Variants in CACNB2 observed in about 807,000 individuals in gnomAD.
CACNB2 encodes voltage-dependent L-type calcium channel subunit beta-2.
Under a neutral mutation model 73.3 loss-of-function variants are expected in CACNB2, and 42 were observed. That is an observed-to-expected ratio of 0.57 (90% CI 0.45 to 0.74). The LOEUF is 0.74. Ranked by LOEUF, CACNB2 falls within the 30% of genes least tolerant of loss-of-function variation. CACNB2 has a pLI of 0.00. For synonymous variants in CACNB2, 348 were observed against 310.3 expected, an observed-to-expected ratio of 1.12 and a Z score of -1.28; for missense variants, 940 against 853.0, an observed-to-expected ratio of 1.10 and a Z score of -1.27.
At chr10:18,221,840 T>G (rs1163375554) in intron 2 of CACNB2, among the ~76,000 whole-genome samples, 1 of 152,210 alleles carries the variant, frequency 6.6e-6, no homozygotes, top group Non-Finnish European at 1.5e-5. Flanking sequence ...AATCCAGAAT[T>G]TTGGAAGGCA....
chr10:18,359,986 A>G (rs748065274), intron 2 of CACNB2, among the ~76,000 whole-genome samples: 15 of 152,198 alleles, frequency 9.9e-5, no homozygotes, highest in Non-Finnish European at 2.1e-4. Context: ...AGCCATAAAC[A>G]TAGGAACTGG....
intron 2 of CACNB2, among the ~76,000 whole-genome samples, chr10:18,274,913 G>A (rs953060724): frequency 1.3e-5 from 2 of 152,000 alleles, no homozygotes; most frequent in African/African-American, 4.8e-5. Context: ...TTATTACACA[G>A]TTTTATTTTT....
intron 3 of CACNB2, among the ~76,000 whole-genome samples, chr10:18,456,559 G>A (rs941895677): frequency 1.3e-5 from 2 of 152,132 alleles, no homozygotes; most frequent in African/African-American, 4.8e-5. Flanking sequence ...ACCCTTATGA[G>A]CCAATCACCT....
At chr10:18,172,671 A>G (rs2033325307) in intron 2 of CACNB2, among the ~76,000 whole-genome samples, 1 of 152,114 alleles carries the variant, frequency 6.6e-6, no homozygotes, top group South Asian at 2.1e-4. Flanking sequence ...TAGTGTCATC[A>G]GCCTTCACTG....
chr10:18,248,466 AT>A (rs374795404), intron 2 of CACNB2, among the ~76,000 whole-genome samples: 52 of 152,204 alleles, frequency 3.4e-4, no homozygotes, highest in Non-Finnish European at 4.7e-4. Flanking sequence ...CTGATCTTAA[AT>A]TTGAGAAGAA....
At chr10:18,176,010 C>T (rs190961543) in intron 2 of CACNB2, among the ~76,000 whole-genome samples, 86 of 152,304 alleles carry the variant, frequency 5.6e-4, no homozygotes, top group African/African-American at 2.0e-3. Context: ...AGTACTTGTT[C>T]GTGTGTGAAA....
intron 8 of CACNB2, among the ~76,000 whole-genome samples, 162 bp from the exon 9 acceptor site, chr10:18,518,748 G>A (rs1426009919): frequency 6.6e-6 from 1 of 152,122 alleles, no homozygotes; most frequent in African/African-American, 2.4e-5. Flanking sequence ...AATTGTCATT[G>A]CATCAGAACT....
At chr10:18,264,127 T>C (rs1321453297) in intron 2 of CACNB2, among the ~76,000 whole-genome samples, 1 of 152,248 alleles carries the variant, frequency 6.6e-6, no homozygotes, top group African/African-American at 2.4e-5. Flanking sequence ...GACATTTGCA[T>C]GCTTTGGAGA....
At chr10:18,437,927 T>A (rs1465672069) in intron 3 of CACNB2, among the ~76,000 whole-genome samples, 5 of 151,658 alleles carry the variant, frequency 3.3e-5, no homozygotes, top group Non-Finnish European at 7.4e-5. Context: ...TGGAAACTTA[T>A]TATAATTAGA....
At chr10:18,220,232 T>TAGAGAGAGAGAGAGAG (rs1169176468) in intron 2 of CACNB2, among the ~76,000 whole-genome samples, 10 of 25,092 alleles carry the variant, frequency 4.0e-4, no homozygotes, top group East Asian at 9.7e-4. Flanking sequence ...TATATATATA[T>TAGAGAGAGAGAGAGAG]AGAGAGAGAG....
chr10:18,264,207 TG>T (rs2037684479), intron 2 of CACNB2, among the ~76,000 whole-genome samples: 1 of 152,098 alleles, frequency 6.6e-6, no homozygotes. Flanking sequence ...ACATAATAGG[TG>T]TATATATTTA....
At chr10:18,141,715 A>G (rs1469085883) in intron 1 of CACNB2, among the ~76,000 whole-genome samples, 1 of 152,204 alleles carries the variant, frequency 6.6e-6, no homozygotes, top group African/African-American at 2.4e-5. Context: ...TTTGGGTTAC[A>G]GACACCTCCA....
chr10:18,401,318 C>T (rs1368283002), intron 2 of CACNB2, among the ~76,000 whole-genome samples: 1 of 152,206 alleles, frequency 6.6e-6, no homozygotes, highest in African/African-American at 2.4e-5. Flanking sequence ...TTTCTGTAGA[C>T]GGCTTTTTAT....
intron 2 of CACNB2, among the ~76,000 whole-genome samples, chr10:18,255,772 G>C (rs892603667): frequency 2.0e-5 from 3 of 152,210 alleles, no homozygotes; most frequent in Non-Finnish European, 2.9e-5. Context: ...GCAGGTGTCT[G>C]TCAGAAGACG....
intron 3 of CACNB2, among the ~76,000 whole-genome samples, chr10:18,415,072 A>G (rs1330618416): frequency 6.6e-6 from 1 of 152,214 alleles, no homozygotes; most frequent in Non-Finnish European, 1.5e-5. Flanking sequence ...AGGGAAATTG[A>G]AGATGTGTTA....
intron 3 of CACNB2, among the ~76,000 whole-genome samples, chr10:18,480,125 T>C (rs1199632769): frequency 6.6e-6 from 1 of 152,204 alleles, no homozygotes; most frequent in African/African-American, 2.4e-5. Context: ...TTTTAAATAA[T>C]TTTCAAATGA....
intron 2 of CACNB2, among the ~76,000 whole-genome samples, chr10:18,201,009 A>G (rs1479581855): frequency 2.6e-5 from 4 of 152,212 alleles, no homozygotes; most frequent in Non-Finnish European, 5.9e-5. Flanking sequence ...TAATAGGGCT[A>G]ACGTTCACTG....
At chr10:18,203,163 T>G (rs566899818) in intron 2 of CACNB2, among the ~76,000 whole-genome samples, 1 of 152,212 alleles carries the variant, frequency 6.6e-6, no homozygotes, top group South Asian at 2.1e-4. Context: ...TAGTGAAAAT[T>G]TTGTTCTTTC....
Position 18,541,129 on chromosome 10 carries a change from C to A in CACNB2, c.*1405C>A, listed in dbSNP as rs1192431647. ...TCTCCCACTTCAATTTCTAACCTTG[C>A]CTATTGTTCCTGTTGTTTGTTTACC... On this transcript the variant is annotated 3_prime_UTR_variant, in exon 14 of 14. Transcript: ENST00000324631. The A allele has an allele frequency of 6.6e-6, 1 of 152,558 alleles. No individual in the cohort carries two copies. The highest frequency in any genetic ancestry group is 1.5e-5 in the Non-Finnish European group (1 of 68,024). The allele number at this position is 152,558 out of a possible 1,614,324, so 9.5% of individuals were successfully genotyped here.
Sources: gnomAD v4.1 joint callset for allele counts (sites outside exome capture counted in the v4.1 genomes callset) on GRCh38, gnomAD v4.1.1 for gene constraint, MANE v1.5 for transcripts, NCBI Gene and HGNC (gene_info 2026-07-23, HGNC 2026-07-21) for gene names.